The following PDE8A variants were observed in gnomAD, a reference collection of about 807,000 sequenced individuals.
The protein encoded by PDE8A is high affinity cAMP-specific and IBMX-insensitive 3',5'-cyclic phosphodiesterase 8A.
A neutral mutation model predicts 105.0 loss-of-function variants in PDE8A; 59 were observed. The observed-to-expected ratio is 0.56, with a 90% CI of 0.46 to 0.70. The LOEUF (loss-of-function observed/expected upper bound fraction) is 0.70, where lower values mean the gene tolerates loss of function less well. Among genes scored for constraint, PDE8A ranks in the 30% least tolerant of loss-of-function variants. The pLI, the probability that PDE8A is intolerant of heterozygous loss-of-function variation, is 0.00. For synonymous variants in PDE8A, 355 were observed against 371.9 expected, an observed-to-expected ratio of 0.95 and a Z score of 0.52; for missense variants, 1,014 against 1,045.9, an observed-to-expected ratio of 0.97 and a Z score of 0.42.
chr15:85,020,533 G>A (rs989636598), intron 1 of PDE8A, among the ~76,000 whole-genome samples: 2 of 152,210 alleles, frequency 1.3e-5, no homozygotes, highest in Non-Finnish European at 2.9e-5. Flanking sequence ...GAACACGGGA[G>A]GTGGAGGTTG....
chr15:85,012,981 G>A (rs969398087), intron 1 of PDE8A, among the ~76,000 whole-genome samples: 2 of 152,112 alleles, frequency 1.3e-5, no homozygotes, highest in African/African-American at 4.8e-5. Context: ...TCTAATAATC[G>A]TTTCCTGAAG....
chr15:84,992,845 C>T (rs1475569812), intron 1 of PDE8A, among the ~76,000 whole-genome samples: 1 of 151,804 alleles, frequency 6.6e-6, no homozygotes, highest in African/African-American at 2.4e-5. Context: ...TATTTTTGTA[C>T]CTCATCTCAT....
intron 1 of PDE8A, among the ~76,000 whole-genome samples, chr15:85,039,530 G>A (rs2080766180): frequency 6.6e-6 from 1 of 151,936 alleles, no homozygotes; most frequent in Non-Finnish European, 1.5e-5. Flanking sequence ...AGTCACTTTG[G>A]AAAACAGTAT....
intron 8 of PDE8A, 139 bp downstream of exon 8, chr15:85,091,320 T>C (rs28401313): frequency 0.038 from 24,727 of 651,942 alleles, 749 homozygotes; most frequent in African/African-American, 0.12. Context: ...TTATCCCTGT[T>C]ATATCCATTT....
intron 1 of PDE8A, among the ~76,000 whole-genome samples, chr15:85,057,924 T>C (rs1334459442): frequency 6.6e-6 from 1 of 152,220 alleles, no homozygotes; most frequent in African/African-American, 2.4e-5. Context: ...TTTATTATGC[T>C]GCTGAATTCA....
chr15:85,087,747 T>C (rs562591697), intron 6 of PDE8A, among the ~76,000 whole-genome samples: 2 of 152,316 alleles, frequency 1.3e-5, no homozygotes, highest in African/African-American at 2.4e-5. Context: ...ATTATTGATA[T>C]GGAAAGATTA....
chr15:85,107,963 G>A (rs1299880885), intron 11 of PDE8A, among the ~76,000 whole-genome samples: 1 of 152,168 alleles, frequency 6.6e-6, no homozygotes. Flanking sequence ...CTAGAAAGGA[G>A]TAGTAAGAAG....
intron 20 of PDE8A, among the ~76,000 whole-genome samples, chr15:85,127,216 A>C (rs1488711526): frequency 1.3e-5 from 2 of 152,168 alleles, no homozygotes; most frequent in Non-Finnish European, 2.9e-5. Flanking sequence ...CATACAGCTA[A>C]CATTATATTT....
At chr15:85,056,455 G>A (rs917263386) in intron 1 of PDE8A, among the ~76,000 whole-genome samples, 5 of 152,136 alleles carry the variant, frequency 3.3e-5, no homozygotes, top group African/African-American at 1.2e-4. Context: ...CCAATCAGAC[G>A]TAGATTTGAT....
At chr15:85,030,304 C>T (rs551398623) in intron 1 of PDE8A, among the ~76,000 whole-genome samples, 34 of 151,966 alleles carry the variant, frequency 2.2e-4, no homozygotes, top group African/African-American at 4.8e-5. Flanking sequence ...GTCTTGCCCC[C>T]GTAGCCTCCA....
At chr15:85,034,135 A>G (rs1400137089) in intron 1 of PDE8A, among the ~76,000 whole-genome samples, 1 of 152,058 alleles carries the variant, frequency 6.6e-6, no homozygotes, top group Non-Finnish European at 1.5e-5. Context: ...AGAAATTTTG[A>G]CTCCTCCGTA....
chr15:85,038,216 GGTGTGT>G (rs773765859), intron 1 of PDE8A, among the ~76,000 whole-genome samples: 114 of 48,312 alleles, frequency 2.4e-3, no homozygotes, highest in Middle Eastern at 0.023. Context: ...CCAATTGGGG[GGTGTGT>G]GTGTGTGTGT....
chr15:85,009,228 C>CT (rs995799278), intron 1 of PDE8A, among the ~76,000 whole-genome samples: 1 of 151,770 alleles, frequency 6.6e-6, no homozygotes, highest in Non-Finnish European at 1.5e-5. Flanking sequence ...CAAAGGCAGT[C>CT]TAAAAAACTG....
At chr15:85,119,736 G>A (rs2082152552) in intron 17 of PDE8A, among the ~76,000 whole-genome samples, 1 of 151,882 alleles carries the variant, frequency 6.6e-6, no homozygotes, top group African/African-American at 2.4e-5. Flanking sequence ...TAAAATATCA[G>A]CTACAACAAA....
chr15:85,008,077 G>C (rs772864614), intron 1 of PDE8A, among the ~76,000 whole-genome samples: 1 of 152,124 alleles, frequency 6.6e-6, no homozygotes, highest in Non-Finnish European at 1.5e-5. Context: ...GTCAAGAGAA[G>C]GTGGCAGGGG....
intron 20 of PDE8A, among the ~76,000 whole-genome samples, chr15:85,135,837 T>G (rs531327750): frequency 4.9e-4 from 74 of 152,234 alleles, no homozygotes; most frequent in African/African-American, 1.7e-3. Flanking sequence ...AGAGTTTGAC[T>G]AAAGTACATA....
chr15:85,108,692 T>C (rs1367773401), intron 11 of PDE8A, among the ~76,000 whole-genome samples: 2 of 152,148 alleles, frequency 1.3e-5, no homozygotes, highest in Non-Finnish European at 2.9e-5. Context: ...TTTTTTTTCT[T>C]TGGGGCAAGA....
intron 1 of PDE8A, among the ~76,000 whole-genome samples, chr15:84,984,572 T>C (rs1350689838): frequency 3.9e-5 from 6 of 152,238 alleles, no homozygotes; most frequent in African/African-American, 1.4e-4. Context: ...GATGCTTTTA[T>C]AGTCCTACAG....
chr15:85,015,901 G>A (rs2080317210), intron 1 of PDE8A, among the ~76,000 whole-genome samples: 1 of 152,086 alleles, frequency 6.6e-6, no homozygotes, highest in Admixed American at 6.5e-5. Flanking sequence ...CTTTGGGAGG[G>A]TGAGGTGGGC....
Sources: gnomAD v4.1 joint callset for allele counts (sites outside exome capture counted in the v4.1 genomes callset) on GRCh38, gnomAD v4.1.1 for gene constraint, MANE v1.5 for transcripts, NCBI Gene and HGNC (gene_info 2026-07-23, HGNC 2026-07-21) for gene names.